NPAS3: variants seen among roughly 807,000 people sequenced by gnomAD.
NPAS3 encodes neuronal PAS domain protein 3.
A neutral mutation model predicts 73.1 loss-of-function variants in NPAS3; 14 were observed. That is an observed-to-expected ratio of 0.19 (90% CI 0.13 to 0.30). The LOEUF (loss-of-function observed/expected upper bound fraction) is 0.30, where lower values mean the gene tolerates loss of function less well. NPAS3 is among the 10% of genes least tolerant of loss of function. The pLI, the probability that NPAS3 is intolerant of heterozygous loss-of-function variation, is 1.00. For synonymous variants in NPAS3, 620 were observed against 541.5 expected (o/e 1.14, Z -2.01); for missense variants, 1,096 against 1,250.0 (o/e 0.88, Z 1.86).
At chr14:33,420,765 C>T (rs769169728) in intron 4 of NPAS3, among the ~76,000 whole-genome samples, 3 of 151,876 alleles carry the variant, frequency 2.0e-5, no homozygotes, top group Non-Finnish European at 4.4e-5. Flanking sequence ...GAATATTCTA[C>T]AGATTTGTTT....
chr14:33,293,290 A>C (rs2042171074), intron 3 of NPAS3, among the ~76,000 whole-genome samples: 1 of 152,178 alleles, frequency 6.6e-6, no homozygotes, highest in Non-Finnish European at 1.5e-5. Context: ...AGTTATTGTA[A>C]ACTTAATTTA....
At chr14:33,131,715 G>C (rs2043642299) in intron 2 of NPAS3, among the ~76,000 whole-genome samples, 1 of 152,148 alleles carries the variant, frequency 6.6e-6, no homozygotes, top group Non-Finnish European at 1.5e-5. Context: ...AGGAATGTAA[G>C]TTAGTCTGCC....
intron 4 of NPAS3, among the ~76,000 whole-genome samples, chr14:33,391,061 C>G (rs1380808831): frequency 6.6e-6 from 1 of 151,704 alleles, no homozygotes; most frequent in Admixed American, 6.6e-5. Context: ...TGATGTCCAT[C>G]AAGGTAACAA....
chr14:33,110,573 T>A (rs375996796), intron 2 of NPAS3, among the ~76,000 whole-genome samples: 67 of 152,294 alleles, frequency 4.4e-4, no homozygotes, highest in African/African-American at 1.5e-3. Context: ...ATCCTTAGAA[T>A]ATACTTTGGG....
intron 2 of NPAS3, among the ~76,000 whole-genome samples, chr14:33,175,375 C>G (rs79894082): frequency 0.048 from 7,363 of 152,172 alleles, 224 homozygotes; most frequent in South Asian, 0.093. Context: ...AAATTATTCT[C>G]CATTTCCTCA....
intron 6 of NPAS3, among the ~76,000 whole-genome samples, chr14:33,677,493 CATTTT>C (rs2059802274): frequency 6.6e-6 from 1 of 151,926 alleles, no homozygotes; most frequent in African/African-American, 2.4e-5. Flanking sequence ...AATACAAAAG[CATTTT>C]ATTAACAAGA....
chr14:33,025,075 T>C (rs2039754294), intron 1 of NPAS3, among the ~76,000 whole-genome samples: 1 of 152,228 alleles, frequency 6.6e-6, no homozygotes, highest in African/African-American at 2.4e-5. Flanking sequence ...TGTGTCTTCA[T>C]AGATTTTAAA....
rs192606203 is a variant in NPAS3, at chr14:33,043,356, A to G, written c.51-12549A>G. Among the ~76,000 whole-genome samples, 462 of 152,250 alleles carry G rather than the reference A, an allele frequency of 3.0e-3. 1 individual carries two copies. The highest frequency in any genetic ancestry group is 5.5e-3 in the Non-Finnish European group (372 of 67,988). On this transcript the variant is annotated intron_variant, in intron 1 of 11. Coordinates refer to ENST00000356141, the Ensembl canonical transcript of NPAS3. ...TTCTCCTTAGTAGTAATCCTTTTTT[A>G]TGATAAGCAAAACTGAATAATACAA... is the stretch of plus-strand genomic sequence containing the variant.
chr14:33,558,303 C>T (rs2055459438), intron 4 of NPAS3, among the ~76,000 whole-genome samples: 1 of 151,998 alleles, frequency 6.6e-6, no homozygotes. Flanking sequence ...CTCTGTTGTC[C>T]AGGCTGGAGT....
At chr14:33,311,426 G>A (rs1309799519) in intron 3 of NPAS3, among the ~76,000 whole-genome samples, 5 of 152,108 alleles carry the variant, frequency 3.3e-5, no homozygotes, top group Non-Finnish European at 5.9e-5. Flanking sequence ...GGAATATTAA[G>A]TACAACACTG....
chr14:32,999,290 T>A (rs2038709602), intron 1 of NPAS3, among the ~76,000 whole-genome samples: 1 of 152,088 alleles, frequency 6.6e-6, no homozygotes, highest in South Asian at 2.1e-4. Context: ...GGTGGGCAGA[T>A]CACAAGGTCA....
In NPAS3 at chr14:33,523,842, G is replaced by A. The variant is rs80120433; in HGVS notation, c.469-36279G>A. 4.9e-3 allele frequency among the ~76,000 whole-genome samples: 751 copies of A among 151,838 alleles called. 7 individuals are homozygous for A. Among genetic ancestry groups the A allele is most frequent in the African/African-American group, 0.017 (711 of 41,214 alleles). ...AATAAATCCCTGCTACAAAGAACCA[G>A]ATCAGTGCCTGCCATCGATCCATGA... is the stretch of plus-strand genomic sequence containing the variant. On this transcript the variant is annotated intron_variant, in intron 4 of 11. Coordinates refer to ENST00000356141, the Ensembl canonical transcript of NPAS3.
At chr14:33,337,988 T>A (rs2044304872) in intron 3 of NPAS3, among the ~76,000 whole-genome samples, 2 of 150,162 alleles carry the variant, frequency 1.3e-5, no homozygotes, top group Admixed American at 1.3e-4. Context: ...TTTCTTAGGT[T>A]TTTTTTAATG....
intron 1 of NPAS3, among the ~76,000 whole-genome samples, chr14:32,950,548 A>G (rs951729758): frequency 6.6e-6 from 1 of 152,128 alleles, no homozygotes; most frequent in Non-Finnish European, 1.5e-5. Flanking sequence ...GCTTATAACT[A>G]TAAAAAGTTA....
At chr14:33,194,188 C>T (rs2046266697) in intron 2 of NPAS3, among the ~76,000 whole-genome samples, 1 of 152,168 alleles carries the variant, frequency 6.6e-6, no homozygotes, top group Non-Finnish European at 1.5e-5. Context: ...GAACTATTTC[C>T]TGTAAGTTAA....
At chr14:32,977,272 C>T (rs573378262) in intron 1 of NPAS3, among the ~76,000 whole-genome samples, 8 of 147,968 alleles carry the variant, frequency 5.4e-5, no homozygotes, top group Non-Finnish European at 1.0e-4. Flanking sequence ...CCAAAGATGC[C>T]ATGTCTTTTT....
intron 7 of NPAS3, among the ~76,000 whole-genome samples, chr14:33,754,698 C>G (rs759342722): frequency 3.3e-5 from 5 of 152,188 alleles, no homozygotes; most frequent in Non-Finnish European, 7.3e-5. Context: ...TCCTTAGTCC[C>G]CAAGAACAAA....
intron 1 of NPAS3, among the ~76,000 whole-genome samples, chr14:32,957,862 A>C (rs569502796): frequency 1.1e-3 from 170 of 152,330 alleles, no homozygotes; most frequent in African/African-American, 3.8e-3. Context: ...AGTAAGCATT[A>C]TGGGCTTACA....
intron 6 of NPAS3, among the ~76,000 whole-genome samples, chr14:33,678,737 A>ACAGTGAGACTT (rs2059843880): frequency 7.4e-6 from 1 of 135,938 alleles, no homozygotes. Context: ...ATACATGTTG[A>ACAGTGAGACTT]CAGTGAGACT....
Sources: allele counts gnomAD v4.1 joint callset (sites outside exome capture counted in the v4.1 genomes callset), GRCh38; gene constraint gnomAD v4.1.1; transcripts MANE v1.5; gene names NCBI Gene and HGNC (gene_info 2026-07-23, HGNC 2026-07-21).